The following CELF2 variants were observed in gnomAD, a reference collection of about 807,000 sequenced individuals.
CELF2 encodes CUG triplet repeat RNA-binding protein 2.
In CELF2, 8 loss-of-function variants were observed where a neutral mutation model predicts 62.6. The observed-to-expected ratio is 0.13, with a 90% CI of 0.07 to 0.23. CELF2 has a LOEUF of 0.23. CELF2 is among the 10% of genes least tolerant of loss of function. The probability of loss-of-function intolerance (pLI) is 1.00; values close to 1 mark genes in which losing one functional copy is unlikely to be tolerated. For missense variants in CELF2, 333 were observed against 671.0 expected, an observed-to-expected ratio of 0.50 and a Z score of 5.56; for synonymous variants, 258 against 250.0, an observed-to-expected ratio of 1.03 and a Z score of -0.30.
At chr10:10,524,123 T>C in the CELF2 span, among the ~76,000 whole-genome samples, 5 of 152,072 alleles carry the variant, frequency 3.3e-5, no homozygotes, top group Non-Finnish European at 5.9e-5. Context: ...AAGTCTTCTA[T>C]AGACAGGTGG....
chr10:10,645,302 G>A, the CELF2 span, among the ~76,000 whole-genome samples: 1 of 152,198 alleles, frequency 6.6e-6, no homozygotes, highest in Non-Finnish European at 1.5e-5. Context: ...ACATAGGCCA[G>A]CCTTAGAAGA....
chr10:10,816,796 G>A (rs549421244), intron 1 of CELF2, among the ~76,000 whole-genome samples: 2 of 152,314 alleles, frequency 1.3e-5, no homozygotes, highest in Admixed American at 6.5e-5. Flanking sequence ...CCAGGTTCAG[G>A]TAATGGATTA....
chr10:10,797,658 G>T (rs1220531520), upstream of CELF2, among the ~76,000 whole-genome samples: 1 of 152,150 alleles, frequency 6.6e-6, no homozygotes, highest in Non-Finnish European at 1.5e-5. Context: ...GCCAGCCATG[G>T]TCCGGAAGCC....
chr10:10,490,792 A>C, the CELF2 span, among the ~76,000 whole-genome samples: 3 of 152,176 alleles, frequency 2.0e-5, no homozygotes, highest in African/African-American at 7.2e-5. Context: ...TCCCACATGA[A>C]TACCAAGATA....
At chr10:10,881,284 C>T (rs1196812832) in intron 1 of CELF2, among the ~76,000 whole-genome samples, 3 of 152,202 alleles carry the variant, frequency 2.0e-5, no homozygotes, top group Non-Finnish European at 4.4e-5. Context: ...AGAGACCTCG[C>T]ATGTCCAAGC....
At chr10:10,547,113 A>G in the CELF2 span, among the ~76,000 whole-genome samples, 4 of 152,196 alleles carry the variant, frequency 2.6e-5, no homozygotes, top group Admixed American at 6.5e-5. Context: ...TCTTAAAAAA[A>G]TTGATATTCA....
chr10:10,782,857 T>C, the CELF2 span, among the ~76,000 whole-genome samples: 1 of 152,148 alleles, frequency 6.6e-6, no homozygotes, highest in Admixed American at 6.5e-5. Context: ...GCTCATTTAT[T>C]TGGGGAGAGC....
chr10:10,615,123 C>T, the CELF2 span, among the ~76,000 whole-genome samples: 1 of 152,180 alleles, frequency 6.6e-6, no homozygotes, highest in East Asian at 1.9e-4. Flanking sequence ...ACTGAGCAAC[C>T]TACTCACTGT....
the CELF2 span, among the ~76,000 whole-genome samples, chr10:10,603,911 G>C: frequency 2.6e-5 from 4 of 152,250 alleles, no homozygotes; most frequent in Middle Eastern, 3.4e-3. Context: ...ATGTTGGTTA[G>C]AGATTTACAA....
At chr10:10,754,703 G>A in the CELF2 span, among the ~76,000 whole-genome samples, 6 of 152,212 alleles carry the variant, frequency 3.9e-5, no homozygotes, top group African/African-American at 1.2e-4. Context: ...GTAATGTGGT[G>A]CCAAAAATAC....
intron 1 of CELF2, among the ~76,000 whole-genome samples, chr10:10,901,234 A>G (rs894653969): frequency 6.6e-6 from 1 of 152,242 alleles, no homozygotes; most frequent in African/African-American, 2.4e-5. Flanking sequence ...AGAGAAAAAC[A>G]AAGTTGGGAG....
chr10:10,652,446 G>GA, the CELF2 span, among the ~76,000 whole-genome samples: 1 of 129,454 alleles, frequency 7.7e-6, no homozygotes, highest in Non-Finnish European at 1.6e-5. Context: ...TGAAATGAAG[G>GA]AAAAAATGTT....
the CELF2 span, among the ~76,000 whole-genome samples, chr10:10,573,750 A>G: frequency 6.7e-5 from 10 of 148,832 alleles, no homozygotes; most frequent in East Asian, 1.9e-3. Flanking sequence ...ATCAAGTTTC[A>G]ACATAATCGT....
At chr10:10,688,103 T>C in the CELF2 span, among the ~76,000 whole-genome samples, 153 of 152,350 alleles carry the variant, frequency 1.0e-3, no homozygotes, top group Non-Finnish European at 1.8e-3. Flanking sequence ...ATCTGTTTTG[T>C]TATAGTCAGT....
At chr10:10,676,886 TTAA>T in the CELF2 span, among the ~76,000 whole-genome samples, 1 of 152,222 alleles carries the variant, frequency 6.6e-6, no homozygotes, top group Admixed American at 6.5e-5. Flanking sequence ...TTTTAGACTC[TTAA>T]TAACCAAGAA....
At chr10:10,987,783 A>G (rs1384949825) in intron 2 of CELF2, among the ~76,000 whole-genome samples, 3 of 152,176 alleles carry the variant, frequency 2.0e-5, no homozygotes, top group African/African-American at 7.2e-5. Flanking sequence ...AAATAATCCC[A>G]TCAAAAAGTA....
At chr10:11,021,995 T>G in intron 1 of CELF2, among the ~76,000 whole-genome samples, 1 of 152,200 alleles carries the variant, frequency 6.6e-6, no homozygotes, top group East Asian at 1.9e-4. Flanking sequence ...CTTTTTGGTT[T>G]ACAAGGTTCC....
At chr10:10,924,281 C>CAAAAAAAAAAAAAAAA (rs11415164) in intron 2 of CELF2, among the ~76,000 whole-genome samples, 1 of 45,092 alleles carries the variant, frequency 2.2e-5, no homozygotes, top group Admixed American at 3.1e-4. Context: ...GACTCCGTCC[C>CAAAAAAAAAAAAAAAA]AAAAAAAAAA....
chr10:10,896,959 G>A (rs1046569788), intron 1 of CELF2, among the ~76,000 whole-genome samples: 1 of 152,142 alleles, frequency 6.6e-6, no homozygotes, highest in African/African-American at 2.4e-5. Flanking sequence ...GTTGATTTTG[G>A]TACTGGGAAA....
Sources: allele counts gnomAD v4.1 joint callset (sites outside exome capture counted in the v4.1 genomes callset), GRCh38; gene constraint gnomAD v4.1.1; transcripts MANE v1.5; gene names NCBI Gene and HGNC (gene_info 2026-07-23, HGNC 2026-07-21).